LINGO2: variants seen among roughly 807,000 people sequenced by gnomAD.
LINGO2 encodes leucine rich repeat and Ig domain containing 2, also known as leucine-rich repeat and immunoglobulin-like domain-containing nogo receptor-interacting protein 2.
Under a neutral mutation model 30.6 loss-of-function variants are expected in LINGO2, and 14 were observed. The ratio of observed to expected loss-of-function variants is 0.46; its 90% confidence interval spans 0.30 to 0.72. The LOEUF is 0.72. Among genes scored for constraint, LINGO2 ranks in the 30% least tolerant of loss-of-function variants. The probability of loss-of-function intolerance (pLI) is 0.07; values close to 1 mark genes in which losing one functional copy is unlikely to be tolerated. For synonymous variants in LINGO2, 317 were observed against 288.5 expected (o/e 1.10, Z -1.00); for missense variants, 729 against 751.7 (o/e 0.97, Z 0.35).
intron 4 of LINGO2, among the ~76,000 whole-genome samples, chr9:28,038,245 G>A (rs199785781): frequency 8.5e-6 from 1 of 117,432 alleles, no homozygotes; most frequent in African/African-American, 3.2e-5. Context: ...TATCCATTAA[G>A]TGGATGGGGA....
chr9:28,988,611 G>C, the LINGO2 span, among the ~76,000 whole-genome samples: 1 of 152,082 alleles, frequency 6.6e-6, no homozygotes, highest in South Asian at 2.1e-4. Context: ...CATTACCCCA[G>C]GTGATCTAGC....
chr9:28,007,340 AGAG>A (rs1822316141), intron 5 of LINGO2, among the ~76,000 whole-genome samples: 1 of 152,166 alleles, frequency 6.6e-6, no homozygotes, highest in African/African-American at 2.4e-5. Context: ...GCATGGTAGA[AGAG>A]GAGGGCAGGA....
the LINGO2 span, among the ~76,000 whole-genome samples, chr9:28,745,448 G>GC: frequency 4.6e-5 from 7 of 152,002 alleles, no homozygotes; most frequent in Admixed American, 3.9e-4. Context: ...TGGTTCAAAT[G>GC]CCAAATTCTT....
At chr9:27,977,241 C>T (rs1417523859) in intron 5 of LINGO2, among the ~76,000 whole-genome samples, 2 of 150,878 alleles carry the variant, frequency 1.3e-5, no homozygotes, top group African/African-American at 4.9e-5. Flanking sequence ...GAGATAAAGA[C>T]AAGAGGAGAC....
the LINGO2 span, among the ~76,000 whole-genome samples, chr9:29,172,467 AACTCTGG>A: frequency 6.6e-6 from 1 of 151,940 alleles, no homozygotes; most frequent in Non-Finnish European, 1.5e-5. Flanking sequence ...TTAAAACAAG[AACTCTGG>A]ATTCAGAAAG....
chr9:29,133,422 C>G, the LINGO2 span, among the ~76,000 whole-genome samples: 4 of 151,918 alleles, frequency 2.6e-5, no homozygotes, highest in African/African-American at 9.7e-5. Flanking sequence ...CTTATATATT[C>G]TCCTCAGTAT....
chr9:29,165,834 G>A, the LINGO2 span, among the ~76,000 whole-genome samples: 1 of 152,070 alleles, frequency 6.6e-6, no homozygotes, highest in Non-Finnish European at 1.5e-5. Flanking sequence ...AATGGGAGAT[G>A]TCCTTTCTGT....
At chr9:28,055,998 A>T (rs1824922297) in intron 4 of LINGO2, among the ~76,000 whole-genome samples, 1 of 152,200 alleles carries the variant, frequency 6.6e-6, no homozygotes, top group Non-Finnish European at 1.5e-5. Flanking sequence ...TCATTATGAG[A>T]CGAAAAGAAA....
At chr9:28,625,949 G>A (rs1826648288) in intron 1 of LINGO2, among the ~76,000 whole-genome samples, 1 of 151,832 alleles carries the variant, frequency 6.6e-6, no homozygotes. Context: ...GGTAAATACC[G>A]AATAGGAAAA....
At chr9:29,049,707 A>C in the LINGO2 span, among the ~76,000 whole-genome samples, 1 of 152,198 alleles carries the variant, frequency 6.6e-6, no homozygotes, top group African/African-American at 2.4e-5. Flanking sequence ...AACAAACATT[A>C]CATGTTCTCA....
At chr9:28,671,513 C>CAAAAAAAAAA (rs11286682), upstream of LINGO2, among the ~76,000 whole-genome samples, 1 of 105,668 alleles carries the variant, frequency 9.5e-6, no homozygotes, top group Non-Finnish European at 1.8e-5. Flanking sequence ...TTATCTTAAG[C>CAAAAAAAAAA]AAAAAAAAAA....
At chr9:28,420,478 T>G (rs1010155524) in intron 2 of LINGO2, among the ~76,000 whole-genome samples, 2 of 152,112 alleles carry the variant, frequency 1.3e-5, no homozygotes, top group African/African-American at 4.8e-5. Flanking sequence ...CTATAAAGAT[T>G]CGCTTCATCT....
Position 28,148,252 on chromosome 9 carries a change from G to A in LINGO2, c.-86-135847C>T. 3 of 740,586 alleles carry A rather than the reference G, an allele frequency of 4.1e-6. No homozygotes were observed. The South Asian group carries it at 5.1e-5, about 13-fold the overall frequency. The allele number at this position is 740,586 out of a possible 1,614,324, so 45.9% of individuals were successfully genotyped here. On this transcript the variant is annotated intron_variant, in intron 4 of 5. Coordinates refer to ENST00000379992, the Ensembl canonical transcript of LINGO2. The surrounding 1 kb of genome is among the most constrained non-coding windows in gnomAD (Gnocchi z 5.1). The stretch of plus-strand genomic sequence containing the variant: ...TCCCTCGGAACATGGGCACCCCACA[G>A]AGGGTCCTGTCTCCTGTGGTCTGGA...
At chr9:27,990,490 G>C (rs996275892) in intron 5 of LINGO2, among the ~76,000 whole-genome samples, 7 of 135,866 alleles carry the variant, frequency 5.2e-5, no homozygotes, top group Non-Finnish European at 1.1e-4. Context: ...TTTAACTTCA[G>C]TAGTGAACTT....
chr9:28,370,113 G>A (rs1820836029), intron 3 of LINGO2, among the ~76,000 whole-genome samples: 1 of 152,122 alleles, frequency 6.6e-6, no homozygotes, highest in Non-Finnish European at 1.5e-5. Flanking sequence ...AAGGAAATTA[G>A]TTTTCTTATT....
chr9:28,066,355 T>C (rs953228942), intron 4 of LINGO2, among the ~76,000 whole-genome samples: 8 of 152,158 alleles, frequency 5.3e-5, no homozygotes, highest in African/African-American at 1.9e-4. Flanking sequence ...CTTTTATTTG[T>C]CTGCTTAGCA....
the LINGO2 span, among the ~76,000 whole-genome samples, chr9:29,146,981 T>A: frequency 1.3e-5 from 2 of 152,192 alleles, no homozygotes; most frequent in African/African-American, 4.8e-5. Context: ...AATAATTAGA[T>A]TTTTTGTTAA....
the LINGO2 span, among the ~76,000 whole-genome samples, chr9:29,069,191 C>A: frequency 6.6e-6 from 1 of 151,858 alleles, no homozygotes; most frequent in African/African-American, 2.4e-5. Flanking sequence ...AAAACAGGTT[C>A]TCCTATTGCT....
At chr9:28,474,350 G>C (rs1022577778) in intron 2 of LINGO2, among the ~76,000 whole-genome samples, 3 of 151,970 alleles carry the variant, frequency 2.0e-5, no homozygotes, top group African/African-American at 7.3e-5. Context: ...ACAAGGTCTA[G>C]TCTCCTAAAT....
Sources: gnomAD v4.1 joint callset for allele counts (sites outside exome capture counted in the v4.1 genomes callset) on GRCh38, gnomAD v4.1.1 for gene constraint, Gnocchi (gnomAD v3.1) non-coding constraint, MANE v1.5 for transcripts, NCBI Gene and HGNC (gene_info 2026-07-23, HGNC 2026-07-21) for gene names.